The following FHIT variants were observed in gnomAD, a reference collection of about 807,000 sequenced individuals.
The protein encoded by FHIT is bis(5'-adenosyl)-triphosphatase.
In FHIT, 19 loss-of-function variants were observed where a neutral mutation model predicts 17.9. The ratio of observed to expected loss-of-function variants is 1.06; its 90% CI spans 0.74 to 1.56. The LOEUF is 1.56. Ranked by LOEUF, FHIT falls within the 40% of genes most tolerant of loss-of-function variation. FHIT has a pLI of 0.00. For missense variants in FHIT, 248 were observed against 189.2 expected, an observed-to-expected ratio of 1.31 and a Z score of -1.82; for synonymous variants, 81 against 69.7, an observed-to-expected ratio of 1.16 and a Z score of -0.81.
At position 60,986,348 on chromosome 3, in the gene FHIT, G is replaced by A. The variant is rs73836078; in HGVS notation, c.-111+55699C>T. 6.4e-3 allele frequency among the ~76,000 whole-genome samples: 980 copies of A among 152,150 alleles called. 10 individuals carry two copies. The highest frequency in any genetic ancestry group is 0.022 in the African/African-American group (930 of 41,496). Reference sequence around the variant, plus strand: ...ACTAGATTAAGAGGTTGCAGAGGCTGGAATAGATCTTGGCCTTTTTAAAAA... The same window carrying A: ...ACTAGATTAAGAGGTTGCAGAGGCTAGAATAGATCTTGGCCTTTTTAAAAA... On this transcript the variant is annotated intron_variant, in intron 3 of 9. Transcript: ENST00000492590.
chr3:60,177,853 G>A (rs937894930), intron 5 of FHIT, among the ~76,000 whole-genome samples: 2 of 152,136 alleles, frequency 1.3e-5, no homozygotes, highest in Admixed American at 1.3e-4. Context: ...TCACATTTTG[G>A]TATAGGCTGG....
intron 5 of FHIT, among the ~76,000 whole-genome samples, chr3:60,122,575 T>C (rs1213523076): frequency 6.6e-6 from 1 of 152,132 alleles, no homozygotes; most frequent in African/African-American, 2.4e-5. Context: ...GAGATCATTT[T>C]ATGGGAAAAA....
chr3:59,838,723 G>C (rs1575572247), intron 8 of FHIT, among the ~76,000 whole-genome samples: 1 of 152,192 alleles, frequency 6.6e-6, no homozygotes, highest in South Asian at 2.1e-4. Flanking sequence ...ACTGGAGATT[G>C]ATAATGCTCT....
intron 4 of FHIT, among the ~76,000 whole-genome samples, chr3:60,741,118 T>C (rs1553713773): frequency 6.6e-6 from 1 of 152,112 alleles, no homozygotes; most frequent in Non-Finnish European, 1.5e-5. Context: ...CACGTACTTT[T>C]TAACAGAGAA....
At chr3:60,665,127 TCTG>T (rs1159460838) in intron 4 of FHIT, among the ~76,000 whole-genome samples, 1 of 152,018 alleles carries the variant, frequency 6.6e-6, no homozygotes, top group Non-Finnish European at 1.5e-5. Flanking sequence ...TAGAGATTTT[TCTG>T]CTATTTTTTT....
intron 5 of FHIT, among the ~76,000 whole-genome samples, chr3:60,149,376 G>A (rs895947283): frequency 6.6e-6 from 1 of 151,464 alleles, no homozygotes; most frequent in Non-Finnish European, 1.5e-5. Flanking sequence ...TTGATGGACT[G>A]TATTGAAAAC....
chr3:60,749,023 T>C (rs1303497908), intron 4 of FHIT, among the ~76,000 whole-genome samples: 2 of 152,114 alleles, frequency 1.3e-5, no homozygotes, highest in East Asian at 3.9e-4. Context: ...TATAACTACC[T>C]TAGTAGGGAA....
chr3:60,629,745 A>ATTGC (rs1223747836), intron 4 of FHIT, among the ~76,000 whole-genome samples: 2 of 152,118 alleles, frequency 1.3e-5, no homozygotes, highest in African/African-American at 4.8e-5. Flanking sequence ...TCCCCACTTG[A>ATTGC]TTGCTTTAAT....
chr3:60,160,110 C>A (rs1405598412), intron 5 of FHIT, among the ~76,000 whole-genome samples: 2 of 146,354 alleles, frequency 1.4e-5, no homozygotes. Flanking sequence ...GAAAACTAAT[C>A]CCATTCTGTG....
At chr3:59,997,344 T>C (rs1202555649) in intron 7 of FHIT, among the ~76,000 whole-genome samples, 1 of 152,104 alleles carries the variant, frequency 6.6e-6, no homozygotes, top group Non-Finnish European at 1.5e-5. Context: ...CAGAGAAGTC[T>C]GAAAGAGGAC....
At chr3:60,052,415 G>C (rs61172950) in intron 5 of FHIT, among the ~76,000 whole-genome samples, 2,018 of 152,186 alleles carry the variant, frequency 0.013, 38 homozygotes, top group African/African-American at 0.046. Context: ...TGTACTTCTT[G>C]GTAACTCATT....
intron 3 of FHIT, among the ~76,000 whole-genome samples, chr3:60,957,300 C>T (rs1454574592): frequency 7.0e-5 from 10 of 141,982 alleles, no homozygotes; most frequent in South Asian, 2.2e-4. Flanking sequence ...TGCAGTGGCG[C>T]GATCTCAGCT....
At chr3:61,228,884 C>T (rs923185415) in intron 1 of FHIT, among the ~76,000 whole-genome samples, 11 of 152,274 alleles carry the variant, frequency 7.2e-5, no homozygotes, top group African/African-American at 1.9e-4. Context: ...TTTTACTGAG[C>T]ACTTCCTCTA....
intron 3 of FHIT, among the ~76,000 whole-genome samples, chr3:60,944,245 T>C (rs1285548086): frequency 1.3e-5 from 2 of 152,218 alleles, no homozygotes; most frequent in African/African-American, 2.4e-5. Flanking sequence ...TTTAGGTTTT[T>C]ATGGTTTTAT....
At chr3:60,204,440 T>G (rs925830387) in intron 5 of FHIT, among the ~76,000 whole-genome samples, 19 of 41,328 alleles carry the variant, frequency 4.6e-4, no homozygotes, top group African/African-American at 1.1e-3. Flanking sequence ...CAGCTAATAT[T>G]CTGGTTTTTT....
At chr3:60,095,560 G>C (rs1437597044) in intron 5 of FHIT, among the ~76,000 whole-genome samples, 1 of 152,122 alleles carries the variant, frequency 6.6e-6, no homozygotes, top group Admixed American at 6.6e-5. Context: ...TATCACATGT[G>C]AGTCTTGCTC....
At chr3:59,765,408 T>C (rs982120655) in intron 8 of FHIT, among the ~76,000 whole-genome samples, 4 of 152,242 alleles carry the variant, frequency 2.6e-5, no homozygotes, top group Non-Finnish European at 5.9e-5. Flanking sequence ...TTTGGCCATA[T>C]TGCTTTCAAG....
chr3:60,489,456 A>G lies in FHIT; in HGVS notation c.103+47404T>C, dbSNP rs182387773. On this transcript the variant is annotated intron_variant, in intron 5 of 9. Coordinates refer to ENST00000492590, the MANE Select transcript of FHIT (RefSeq NM_002012.4). Reference sequence around the variant, plus strand: ...TTTAAAAGCCCACTGAATTAAAGACATCATGACTAAGACCAAGCTGGAGTG... The same window carrying G: ...TTTAAAAGCCCACTGAATTAAAGACGTCATGACTAAGACCAAGCTGGAGTG... Among the ~76,000 whole-genome samples the G allele has an allele frequency of 1.3e-4, 20 of 152,294 alleles. 1 individual carries two copies. The highest frequency in any genetic ancestry group is 2.6e-4 in the Admixed American group (4 of 15,292).
chr3:60,317,430 C>G (rs1403102698), intron 5 of FHIT, among the ~76,000 whole-genome samples: 1 of 151,752 alleles, frequency 6.6e-6, no homozygotes, highest in Admixed American at 6.6e-5. Context: ...CATTTTTCCA[C>G]TGCTTACTAT....
Sources: gnomAD v4.1 joint callset for allele counts (sites outside exome capture counted in the v4.1 genomes callset) on GRCh38, gnomAD v4.1.1 for gene constraint, MANE v1.5 for transcripts, NCBI Gene and HGNC (gene_info 2026-07-23, HGNC 2026-07-21) for gene names.